The following WWC2 variants were observed in gnomAD, a reference collection of about 807,000 sequenced individuals.
The protein encoded by WWC2 is WW and C2 domain containing 2.
A neutral mutation model predicts 138.5 loss-of-function variants in WWC2; 101 were observed. The ratio of observed to expected loss-of-function variants is 0.73; its 90% CI spans 0.62 to 0.86. The LOEUF is 0.86. WWC2 is among the 40% of genes least tolerant of loss of function. WWC2 has a pLI of 0.00. For missense variants in WWC2, 1,420 were observed against 1,419.4 expected (o/e 1.00, Z -0.01); for synonymous variants, 558 against 538.4 (o/e 1.04, Z -0.50).
Position 183,128,356 on chromosome 4 carries a change from A to C in WWC2, c.131+28734A>C, listed in dbSNP as rs529651322. 5.0e-4 allele frequency among the ~76,000 whole-genome samples: 76 copies of C among 151,374 alleles called. 1 individual carries two copies. Among genetic ancestry groups the C allele is most frequent in the African/African-American group, 1.5e-3 (63 of 40,880 alleles). The stretch of plus-strand genomic sequence containing the variant: ...TGTCTCAAAGAAAAAAAAAAGAAGA[A>C]GACAAAAATTAGCCAGGTGTGGTGG... On this transcript the variant is annotated intron_variant, in intron 1 of 22. Coordinates refer to ENST00000403733, the MANE Select transcript of WWC2 (RefSeq NM_024949.6).
At chr4:183,121,284 A>G (rs961116254) in intron 1 of WWC2, among the ~76,000 whole-genome samples, 24 of 151,330 alleles carry the variant, frequency 1.6e-4, no homozygotes, top group Admixed American at 6.6e-5. Flanking sequence ...TTGTTGTGCT[A>G]ATAGAGTTTG....
chr4:183,249,938 T>C lies in WWC2; in HGVS notation c.898T>C (p.Ser300Pro), dbSNP rs762848195. ...ISGDIGVRSR[S>P]NLAEKVRLSL... ...CCACTAGATTGGAGTAAGAAGTAGA[T>C]CAAATTTAGCTGAAAAGGTCAGGCT... is the stretch of plus-strand genomic sequence containing the variant. Residue 300 changes from serine (S) to proline (P), a missense_variant, in exon 8 of 23, where the codon TCA becomes CCA. Physicochemically the swap from Ser to Pro is moderately conservative, Grantham distance 74. Transcript: ENST00000403733. 8 of 1,613,582 alleles carry C rather than the reference T, an allele frequency of 5.0e-6. No individual in the cohort carries two copies. The highest frequency in any genetic ancestry group is 6.8e-6 in the Non-Finnish European group (8 of 1,179,786).
chr4:183,193,493 T>C, intron 1 of WWC2, 106 bp from the exon 2 acceptor site: 1 of 957,850 alleles, frequency 1.0e-6, no homozygotes, highest in Non-Finnish European at 1.6e-6. Flanking sequence ...TTTTTTTTCT[T>C]TAAGATTTTA....
At chr4:183,108,240 C>T (rs929763010) in intron 1 of WWC2, among the ~76,000 whole-genome samples, 3 of 152,026 alleles carry the variant, frequency 2.0e-5, no homozygotes, top group Non-Finnish European at 4.4e-5. Flanking sequence ...AGCGCTGCCT[C>T]CATCAGGTGA....
rs1306231523 is a variant in WWC2 at position 183,116,366 on chromosome 4, A to G, written c.131+16744A>G. Among the ~76,000 whole-genome samples, 6 of 152,196 alleles carry G rather than the reference A, an allele frequency of 3.9e-5. No homozygotes were observed. The South Asian group carries it at 6.2e-4, about 16-fold the overall frequency. ...CTGTCTTGTTCACTACTGTATTCCA[A>G]TGCTCAGCTTTGTGCAAGCTCTTAG... is the stretch of plus-strand genomic sequence containing the variant. On this transcript the variant is annotated intron_variant, in intron 1 of 22. Coordinates refer to ENST00000403733, the MANE Select transcript of WWC2 (RefSeq NM_024949.6).
intron 21 of WWC2, among the ~76,000 whole-genome samples, chr4:183,289,916 AAGG>A (rs1738388758): frequency 6.6e-6 from 1 of 151,826 alleles, no homozygotes; most frequent in African/African-American, 2.4e-5. Context: ...GGTGTGCCCA[AAGG>A]AGAAGTGGGA....
chr4:183,160,159 G>C (rs1403231185), intron 1 of WWC2, among the ~76,000 whole-genome samples: 1 of 152,184 alleles, frequency 6.6e-6, no homozygotes, highest in East Asian at 1.9e-4. Flanking sequence ...ATCATGATCA[G>C]TGACAAATCT....
rs780953365 is a variant in WWC2, at chr4:183,269,159, G to A, written c.2396G>A (p.Cys799Tyr). Residue 799 changes from cysteine to tyrosine, a missense_variant, in exon 15 of 23, where the codon TGC becomes TAC. Coordinates refer to ENST00000403733, the MANE Select transcript of WWC2 (RefSeq NM_024949.6). ...CSVSKHRREECLAGTQISLAD... is the reference protein window; with the variant it reads ...CSVSKHRREEYLAGTQISLAD... ...GTCAGTAAACACCGAAGGGAAGAAT[G>A]CCTGGTAGGATTCTTCATAATTCCC... The A allele has an allele frequency of 6.2e-7, 1 of 1,608,100 alleles. No homozygotes were observed. Among genetic ancestry groups the A allele is most frequent in the Non-Finnish European group, 8.5e-7 (1 of 1,178,254 alleles).
At chr4:183,213,958 A>C (rs192474789) in intron 4 of WWC2, among the ~76,000 whole-genome samples, 91 of 152,130 alleles carry the variant, frequency 6.0e-4, no homozygotes, top group African/African-American at 2.1e-3. Context: ...GAAGTTTATA[A>C]ATAGGTGAAA....
At chr4:183,144,296 A>G (rs1733386814) in intron 1 of WWC2, among the ~76,000 whole-genome samples, 1 of 152,178 alleles carries the variant, frequency 6.6e-6, no homozygotes, top group South Asian at 2.1e-4. Context: ...TCTGTGTTGA[A>G]AGGAAGTGGT....
At position 183,113,482 on chromosome 4, in the gene WWC2, G is replaced by C. The variant is rs1395205001; in HGVS notation, c.131+13860G>C. 2.2e-3 allele frequency among the ~76,000 whole-genome samples: 13 copies of C among 5,892 alleles called. 1 individual carries two copies. Among genetic ancestry groups the C allele is most frequent in the Admixed American group, 5.8e-3 (1 of 172 alleles). The allele number at this position is 5,892 out of a possible 152,430, so 3.9% of individuals were successfully genotyped here. A position where few individuals can be genotyped will look rare whatever the true frequency, so the allele number is the denominator to read the frequency against. On this transcript the variant is annotated intron_variant, in intron 1 of 22. Coordinates refer to ENST00000403733, the MANE Select transcript of WWC2 (RefSeq NM_024949.6). Reference sequence around the variant, plus strand: ...ATTGAACTGAGGTAAGGTGGGGCCTGTGTGTGTGTGTGTGTGTGTGTGTGT... The same window carrying C: ...ATTGAACTGAGGTAAGGTGGGGCCTCTGTGTGTGTGTGTGTGTGTGTGTGT...
intron 5 of WWC2, among the ~76,000 whole-genome samples, 168 bp from the exon 6 acceptor site, chr4:183,245,248 A>AG (rs1553970984): frequency 3.5e-4 from 51 of 146,598 alleles, no homozygotes; most frequent in African/African-American, 1.2e-3. Flanking sequence ...AAAAAAAAAA[A>AG]AGAGAGAGAA....
chr4:183,250,531 A>G (rs909419542), intron 8 of WWC2, among the ~76,000 whole-genome samples: 1 of 152,116 alleles, frequency 6.6e-6, no homozygotes, highest in Non-Finnish European at 1.5e-5. Flanking sequence ...AACTCTTCTT[A>G]ATCCCTGTGC....
Position 183,137,625 on chromosome 4 carries a change from A to C in WWC2, c.131+38003A>C, listed in dbSNP as rs143197862. ...ACAATCCTCCCACTTCAGGCTCCTA[A>C]ATAGCTGGGACTGTAGATGCGCACC... On this transcript the variant is annotated intron_variant, in intron 1 of 22. Coordinates refer to ENST00000403733, the MANE Select transcript of WWC2 (RefSeq NM_024949.6). 1.7e-3 allele frequency among the ~76,000 whole-genome samples: 251 copies of C among 152,116 alleles called. 3 individuals are homozygous for C. The highest frequency in any genetic ancestry group is 7.8e-4 in the East Asian group (4 of 5,160).
chr4:183,255,752 A>G (rs1737114338), intron 9 of WWC2, among the ~76,000 whole-genome samples: 1 of 152,188 alleles, frequency 6.6e-6, no homozygotes, highest in South Asian at 2.1e-4. Flanking sequence ...ATGATATAAC[A>G]TTAAAGATAG....
At chr4:183,267,851 A>G (rs1737555649) in intron 14 of WWC2, among the ~76,000 whole-genome samples, 1 of 152,234 alleles carries the variant, frequency 6.6e-6, no homozygotes, top group Non-Finnish European at 1.5e-5. Flanking sequence ...CCTTGGCCTA[A>G]ATAATGACAC....
In WWC2 at chr4:183,255,365, TTTGTTGTTG is replaced by T. The variant is rs371471283; in HGVS notation, c.1196+1373_1196+1381del. The stretch of plus-strand genomic sequence containing the variant: ...GAAGGCAAGGGAGAATTAATTTGTT[TTTGTTGTTG>T]TTGTTGCTGTTGTTTTTCTGAATTA... On this transcript the variant is annotated intron_variant, in intron 9 of 22. Coordinates refer to ENST00000403733, the MANE Select transcript of WWC2 (RefSeq NM_024949.6). Among the ~76,000 whole-genome samples, 769 of 152,140 alleles carry T rather than the reference TTTGTTGTTG, an allele frequency of 5.1e-3. 12 individuals carry two copies. The highest frequency in any genetic ancestry group is 0.017 in the African/African-American group (718 of 41,488).
intron 9 of WWC2, among the ~76,000 whole-genome samples, chr4:183,259,192 T>C (rs1410150388): frequency 6.6e-6 from 1 of 152,204 alleles, no homozygotes; most frequent in Non-Finnish European, 1.5e-5. Flanking sequence ...CTAAATACTA[T>C]GTTGGAACAA....
intron 1 of WWC2, among the ~76,000 whole-genome samples, chr4:183,115,105 A>G (rs920618972): frequency 1.1e-4 from 17 of 152,182 alleles, no homozygotes; most frequent in African/African-American, 4.1e-4. Context: ...GTTCCCACTT[A>G]TAAGTGAGAA....
Sources: gnomAD v4.1 joint callset for allele counts (sites outside exome capture counted in the v4.1 genomes callset) on GRCh38, gnomAD v4.1.1 for gene constraint, MANE v1.5 for transcripts, NCBI Gene and HGNC (gene_info 2026-07-23, HGNC 2026-07-21) for gene names.